KIF21A: variants seen among roughly 807,000 people sequenced by gnomAD.
The protein encoded by KIF21A is kinesin family member 21A, also known as kinesin-like protein KIF21A.
A neutral mutation model predicts 202.9 loss-of-function variants in KIF21A; 114 were observed. That is an observed-to-expected ratio of 0.56 (90% CI 0.48 to 0.66). The LOEUF (loss-of-function observed/expected upper bound fraction) is 0.66. KIF21A is among the 30% of genes least tolerant of loss of function. The pLI is 0.00. For missense variants in KIF21A, 1,677 were observed against 1,994.9 expected (o/e 0.84, Z 3.04); for synonymous variants, 667 against 670.8 (o/e 0.99, Z 0.09).
chr12:39,354,335 A>C (rs991593194), intron 10 of KIF21A, among the ~76,000 whole-genome samples: 3 of 152,184 alleles, frequency 2.0e-5, no homozygotes, highest in African/African-American at 7.2e-5. Context: ...ATAGATAGCA[A>C]AACAAAATAT....
chr12:39,386,360 GACACCA>G (rs1187364946), intron 1 of KIF21A, among the ~76,000 whole-genome samples: 1 of 152,162 alleles, frequency 6.6e-6, no homozygotes, highest in Admixed American at 6.5e-5. Flanking sequence ...AAGATCCCGG[GACACCA>G]ACACAATGGT....
chr12:39,299,372 T>A (rs1942743334), intron 37 of KIF21A, among the ~76,000 whole-genome samples: 1 of 152,020 alleles, frequency 6.6e-6, no homozygotes, highest in African/African-American at 2.4e-5. Context: ...CTCAACATTA[T>A]TAGAGAAATG....
At chr12:39,398,444 T>C (rs1951919928) in intron 1 of KIF21A, among the ~76,000 whole-genome samples, 1 of 152,016 alleles carries the variant, frequency 6.6e-6, no homozygotes, top group East Asian at 1.9e-4. Context: ...TACTAAAAAT[T>C]TTAAAAATTA....
At chr12:39,378,004 T>C (rs935534629) in intron 1 of KIF21A, among the ~76,000 whole-genome samples, 4 of 152,214 alleles carry the variant, frequency 2.6e-5, no homozygotes, top group Non-Finnish European at 4.4e-5. Flanking sequence ...TAAACATATA[T>C]ATTTTCAATT....
chr12:39,405,853 G>T (rs1398468463), intron 1 of KIF21A, among the ~76,000 whole-genome samples: 1 of 152,004 alleles, frequency 6.6e-6, no homozygotes, highest in African/African-American at 2.4e-5. Flanking sequence ...AAAAAAATAT[G>T]CAATAAGAAA....
rs145897823 is a variant in KIF21A, at chr12:39,333,054, T to C, written c.2541A>G (p.Lys847=). 8,225 of 1,614,018 alleles carry C rather than the reference T, an allele frequency of 5.1e-3. 55 individuals are homozygous for C. The highest frequency in any genetic ancestry group is 0.013 in the South Asian group (1,140 of 91,076). The change falls in exon 19 of 38, where the codon AAA becomes AAG. Residue 847 remains lysine (K), a synonymous_variant. Coordinates refer to ENST00000361418, the MANE Select transcript of KIF21A (RefSeq NM_001173464.2). The stretch of plus-strand genomic sequence containing the variant: ...CAGATGAACTCAGCTTCCGAGTAAC[T>C]TTCCCAGCCACTTTATCTGACATGG... The part of the protein sequence containing the change: ...VRPMSDKVAG[K]VTRKLSSSDA...
intron 1 of KIF21A, among the ~76,000 whole-genome samples, chr12:39,386,338 C>T (rs572276162): frequency 6.6e-5 from 10 of 152,212 alleles, no homozygotes; most frequent in African/African-American, 2.2e-4. Context: ...GATGGTGAAT[C>T]AATAAGATAG....
rs749644826 is a variant in KIF21A at position 39,332,665 on chromosome 12, G to A, written c.2782C>T (p.Arg928Cys). 23 of 1,613,694 alleles carry A rather than the reference G, an allele frequency of 1.4e-5. No homozygotes were observed. Among genetic ancestry groups the A allele is most frequent in the Admixed American group, 6.7e-5 (4 of 59,980 alleles). Residue 928 changes from arginine (R) to cysteine (C), a missense_variant, in exon 20 of 38, where the codon CGC (arginine) becomes TGC (cysteine). Coordinates refer to ENST00000361418, the MANE Select transcript of KIF21A (RefSeq NM_001173464.2). ...TARMKWQLLE[R>C]RVTDIIMQKM... Reference sequence around the variant, plus strand: ...TGCATGATGATGTCTGTGACCCTGCGCTCAAGGAGCTGCCACTTCATGCGA... The same window carrying A: ...TGCATGATGATGTCTGTGACCCTGCACTCAAGGAGCTGCCACTTCATGCGA...
chr12:39,357,026 T>C (rs1457507287), intron 9 of KIF21A, 131 bp from the exon 10 acceptor site: 1 of 661,680 alleles, frequency 1.5e-6, no homozygotes, highest in Non-Finnish European at 2.6e-6. Flanking sequence ...TTCTACCCTT[T>C]ATTACATGAG....
intron 1 of KIF21A, among the ~76,000 whole-genome samples, chr12:39,407,811 C>A (rs1191351781): frequency 6.6e-6 from 1 of 151,786 alleles, no homozygotes; most frequent in Non-Finnish European, 1.5e-5. Flanking sequence ...TTAACCCATG[C>A]CCATTCCAAA....
intron 1 of KIF21A, among the ~76,000 whole-genome samples, chr12:39,375,692 T>C (rs573523555): frequency 5.3e-5 from 8 of 152,166 alleles, no homozygotes; most frequent in African/African-American, 1.7e-4. Context: ...AAGTCCTTAG[T>C]CTCCAATCGG....
chr12:39,327,879 C>T (rs1309004080), intron 24 of KIF21A, among the ~76,000 whole-genome samples: 2 of 152,148 alleles, frequency 1.3e-5, no homozygotes, highest in African/African-American at 4.8e-5. Flanking sequence ...AAAGACAAAA[C>T]AAAACTCCCA....
At chr12:39,433,035 G>T (rs1216938064) in intron 1 of KIF21A, among the ~76,000 whole-genome samples, 6 of 152,130 alleles carry the variant, frequency 3.9e-5, no homozygotes. Context: ...AGACTAAAAA[G>T]AAATATAGCA....
rs1014468112 is a variant in KIF21A at position 39,297,336 on chromosome 12, C to G, written c.4932-2819G>C. On this transcript the variant is annotated intron_variant, in intron 37 of 37. Transcript: ENST00000361418. ...ACAATACCAAAGACTTGGAACCAACCCAAATGTCCAACAATGATAGACTGG... is the reference window on the plus strand; with the variant it reads ...ACAATACCAAAGACTTGGAACCAACGCAAATGTCCAACAATGATAGACTGG... 1.2e-4 allele frequency among the ~76,000 whole-genome samples: 19 copies of G among 152,024 alleles called. 1 individual carries two copies. The highest frequency in any genetic ancestry group is 5.9e-5 in the Non-Finnish European group (4 of 68,022).
chr12:39,338,106 C>T (rs1947136642), intron 16 of KIF21A, among the ~76,000 whole-genome samples: 1 of 152,138 alleles, frequency 6.6e-6, no homozygotes, highest in Non-Finnish European at 1.5e-5. Flanking sequence ...GAGATGACAG[C>T]TCCATGTGTG....
In KIF21A at chr12:39,303,106, C is replaced by T. The variant is rs757896907; in HGVS notation, c.4590G>A (p.Gly1530=). ...CAAAATTGTGGGTGGGACTCACAGT[C>T]CCAAGAGCTCCTTCTGTAACATCAA... The part of the protein sequence containing the change: ...KMFDVTEGAL[G]TVSPTHNFEP... Residue 1530 remains glycine (G), a synonymous_variant, in exon 36 of 38, where the codon GGG becomes GGA. Transcript: ENST00000361418. 5 of 1,613,888 alleles carry T rather than the reference C, an allele frequency of 3.1e-6. No individual in the cohort carries two copies. In the South Asian group the frequency reaches 5.5e-5, roughly 18 times the overall value.
intron 1 of KIF21A, among the ~76,000 whole-genome samples, chr12:39,370,850 T>C (rs1949906161): frequency 6.6e-6 from 1 of 152,072 alleles, no homozygotes; most frequent in African/African-American, 2.4e-5. Flanking sequence ...TGTCCTACTA[T>C]ATTGATTTGT....
At chr12:39,398,640 GCC>G in intron 1 of KIF21A, among the ~76,000 whole-genome samples, 1 of 152,192 alleles carries the variant, frequency 6.6e-6, no homozygotes, top group South Asian at 2.1e-4. Context: ...AACTTCAAAG[GCC>G]CTATAATGTG....
chr12:39,312,733 G>T (rs1448274772), intron 31 of KIF21A: 2 of 151,868 alleles, frequency 1.3e-5, no homozygotes, highest in African/African-American at 2.4e-5. Flanking sequence ...TATTTTTGTA[G>T]TTTCTGCTTT....
Sources: gnomAD v4.1 joint callset for allele counts (sites outside exome capture counted in the v4.1 genomes callset) on GRCh38, gnomAD v4.1.1 for gene constraint, MANE v1.5 for transcripts, NCBI Gene and HGNC (gene_info 2026-07-23, HGNC 2026-07-21) for gene names.